The following NEBL variants were observed in gnomAD, a reference collection of about 807,000 sequenced individuals.
NEBL encodes the protein LIM and SH3 protein 2.
A neutral mutation model predicts 140.2 loss-of-function variants in NEBL; 122 were observed. The ratio of observed to expected loss-of-function variants is 0.87; its 90% CI spans 0.75 to 1.01. The LOEUF (loss-of-function observed/expected upper bound fraction) is 1.01. Among genes scored for constraint, NEBL ranks in the 50% least tolerant of loss-of-function variants. The pLI is 0.00. For synonymous variants in NEBL, 436 were observed against 398.9 expected, an observed-to-expected ratio of 1.09 and a Z score of -1.11; for missense variants, 1,365 against 1,231.3, an observed-to-expected ratio of 1.11 and a Z score of -1.62.
chr10:21,157,967 G>A (rs534840576), intron 2 of NEBL, among the ~76,000 whole-genome samples: 1 of 152,318 alleles, frequency 6.6e-6, no homozygotes, highest in African/African-American at 2.4e-5. Context: ...GCCAAGGACA[G>A]GGGCCTGAAA....
intron 4 of NEBL, among the ~76,000 whole-genome samples, chr10:20,950,326 A>T (rs1835397281): frequency 6.6e-6 from 1 of 152,206 alleles, no homozygotes; most frequent in Non-Finnish European, 1.5e-5. Context: ...TAGATGCCCA[A>T]ATTATGCACA....
intron 3 of NEBL, among the ~76,000 whole-genome samples, chr10:21,243,499 G>T (rs1240333726): frequency 5.9e-5 from 9 of 151,880 alleles, no homozygotes; most frequent in Admixed American, 5.9e-4. Flanking sequence ...TAGAGATGGG[G>T]TTTTGCCATG....
intron 2 of NEBL, among the ~76,000 whole-genome samples, chr10:21,114,304 A>T (rs1467431291): frequency 6.6e-6 from 1 of 152,112 alleles, no homozygotes; most frequent in Admixed American, 6.6e-5. Context: ...AATGACTTAA[A>T]TCTTTTTAAA....
At chr10:21,119,707 AATT>A (rs1209133427) in intron 2 of NEBL, among the ~76,000 whole-genome samples, 1 of 152,056 alleles carries the variant, frequency 6.6e-6, no homozygotes, top group Non-Finnish European at 1.5e-5. Flanking sequence ...ATATATGCAT[AATT>A]ATCACACTCA....
chr10:20,852,573 T>C lies in NEBL; in HGVS notation c.980A>G (p.His327Arg). 1 of 1,613,750 alleles carries C rather than the reference T, an allele frequency of 6.2e-7. No individual in the cohort carries two copies. Among genetic ancestry groups the C allele is most frequent in the Non-Finnish European group, 8.5e-7 (1 of 1,179,900 alleles). ...ACTTTGGAGGACGGCATTGCCTTTATGGTGCAGATGTTCCACAGCATCTGC... is the reference window on the plus strand; with the variant it reads ...ACTTTGGAGGACGGCATTGCCTTTACGGTGCAGATGTTCCACAGCATCTGC... ...FDADAVEHLHHKGNAVLQSQV... is the reference protein window; with the variant it reads ...FDADAVEHLHRKGNAVLQSQV... Residue 327 changes from histidine (H) to arginine (R), a missense_variant, in exon 10 of 28, where the codon CAT becomes CGT. His to Arg is a conservative substitution (Grantham distance 29). This residue lies in a region of NEBL where 1,323 missense variants were observed against 1,154.8 expected (regional missense o/e 1.15). Coordinates refer to ENST00000377122, the MANE Select transcript of NEBL (RefSeq NM_006393.3).
At chr10:21,067,634 A>C (rs1349189510) in intron 2 of NEBL, among the ~76,000 whole-genome samples, 1 of 152,176 alleles carries the variant, frequency 6.6e-6, no homozygotes, top group Non-Finnish European at 1.5e-5. Context: ...AACAAAGGCA[A>C]GGGAGAAGGG....
intron 2 of NEBL, chr10:21,172,299 G>T (rs866407233): frequency 1.9e-6 from 2 of 1,053,318 alleles, no homozygotes; most frequent in Middle Eastern, 4.1e-4. Flanking sequence ...GACACAGTGA[G>T]TCAGTTCTTC....
At position 21,169,070 on chromosome 10, in the gene NEBL, ATATATATAT is replaced by A. The variant is rs1840958373; in HGVS notation, c.164+3304_164+3312del. Among the ~76,000 whole-genome samples, 202 of 44,192 alleles carry A rather than the reference ATATATATAT, an allele frequency of 4.6e-3. 10 individuals carry two copies. The highest frequency in any genetic ancestry group is 0.016 in the Admixed American group (62 of 3,790). The allele number at this position is 44,192 out of a possible 152,430, so 29.0% of individuals were successfully genotyped here. On this transcript the variant is annotated intron_variant, in intron 2 of 6. Coordinates refer to the NEBL transcript ENST00000417816. The stretch of plus-strand genomic sequence containing the variant: ...TCTACAAAAAAAAAAAAAAAAAAAT[ATATATATAT>A]ATATATATATATATATATATATATA...
intron 2 of NEBL, among the ~76,000 whole-genome samples, chr10:21,081,340 G>A (rs369011895): frequency 2.2e-4 from 33 of 152,298 alleles, no homozygotes; most frequent in African/African-American, 7.5e-4. Context: ...ATGGGAAGCA[G>A]GGGAAAGGCA....
intron 2 of NEBL, among the ~76,000 whole-genome samples, chr10:21,028,162 G>A (rs1433280693): frequency 6.7e-6 from 1 of 148,340 alleles, no homozygotes; most frequent in Non-Finnish European, 1.5e-5. Flanking sequence ...AGGAGGCAGA[G>A]GTAGCAGTAA....
intron 1 of NEBL, among the ~76,000 whole-genome samples, chr10:21,288,820 G>C (rs71491179): frequency 1.4e-4 from 5 of 35,022 alleles, no homozygotes; most frequent in East Asian, 2.5e-3. Context: ...GTGTGTGTGT[G>C]TATATATATA....
At chr10:20,829,113 G>T (rs1407595655) in intron 16 of NEBL, among the ~76,000 whole-genome samples, 1 of 151,990 alleles carries the variant, frequency 6.6e-6, no homozygotes, top group Non-Finnish European at 1.5e-5. Context: ...TCTTACAGAT[G>T]GAGAAACTGA....
At chr10:21,206,127 G>T (rs1841821306) in intron 3 of NEBL, among the ~76,000 whole-genome samples, 1 of 152,168 alleles carries the variant, frequency 6.6e-6, no homozygotes, top group African/African-American at 2.4e-5. Context: ...AGACCAAAAA[G>T]TCCTGGCCAA....
chr10:20,886,748 G>C (rs1409340616), intron 4 of NEBL, among the ~76,000 whole-genome samples: 1 of 152,154 alleles, frequency 6.6e-6, no homozygotes, highest in Admixed American at 6.5e-5. Flanking sequence ...CTAATCTGGG[G>C]ACAGCTCATT....
chr10:20,999,579 A>G (rs528911914), intron 3 of NEBL, among the ~76,000 whole-genome samples: 3 of 152,224 alleles, frequency 2.0e-5, no homozygotes, highest in African/African-American at 2.4e-5. Flanking sequence ...AGCATGGGCA[A>G]CAGAGTGAGA....
intron 2 of NEBL, among the ~76,000 whole-genome samples, chr10:21,169,266 G>A (rs533581204): frequency 4.0e-4 from 60 of 151,036 alleles, no homozygotes; most frequent in African/African-American, 1.4e-3. Flanking sequence ...AGGGGAAGAC[G>A]AAGAGTTGTT....
intron 3 of NEBL, among the ~76,000 whole-genome samples, chr10:21,221,194 G>C (rs1842061069): frequency 6.6e-6 from 1 of 152,008 alleles, no homozygotes; most frequent in Non-Finnish European, 1.5e-5. Context: ...GTGATGGATA[G>C]GTTAATTAGC....
intron 2 of NEBL, among the ~76,000 whole-genome samples, chr10:21,063,983 G>A (rs571791715): frequency 2.4e-4 from 36 of 151,542 alleles, no homozygotes; most frequent in African/African-American, 8.0e-4. Flanking sequence ...GAGGAAGGAG[G>A]ATTGCTTGAG....
At chr10:21,033,981 A>C (rs1833908865) in intron 2 of NEBL, among the ~76,000 whole-genome samples, 1 of 151,660 alleles carries the variant, frequency 6.6e-6, no homozygotes, top group South Asian at 2.1e-4. Flanking sequence ...ACCTGGGCAA[A>C]ATAGCGAAAA....
Sources: gnomAD v4.1 joint callset for allele counts (sites outside exome capture counted in the v4.1 genomes callset) on GRCh38, gnomAD v4.1.1 for gene constraint, gnomAD v4.1.1 regional missense constraint, MANE v1.5 for transcripts, NCBI Gene and HGNC (gene_info 2026-07-23, HGNC 2026-07-21) for gene names.